The following PCSK6 variants were observed in gnomAD, a reference collection of about 807,000 sequenced individuals.
PCSK6 encodes proprotein convertase subtilisin/kexin type 6, also known as paired basic amino acid cleaving enzyme 4.
Under a neutral mutation model 123.3 loss-of-function variants are expected in PCSK6, and 85 were observed. The observed-to-expected ratio is 0.69, with a 90% CI of 0.58 to 0.83. The LOEUF is 0.83. Ranked by LOEUF, PCSK6 falls within the 40% of genes least tolerant of loss-of-function variation. The pLI is 0.00. For synonymous variants in PCSK6, 508 were observed against 516.0 expected, an observed-to-expected ratio of 0.98 and a Z score of 0.21; for missense variants, 1,191 against 1,282.3, an observed-to-expected ratio of 0.93 and a Z score of 1.09.
chr15:101,430,438 G>A (rs182954821), intron 4 of PCSK6, among the ~76,000 whole-genome samples: 8 of 152,196 alleles, frequency 5.3e-5, no homozygotes, highest in Non-Finnish European at 7.3e-5. Flanking sequence ...CGAGTCACTC[G>A]TGTAAGTGGA....
At chr15:101,481,809 G>C (rs2057893445) in intron 1 of PCSK6, among the ~76,000 whole-genome samples, 1 of 152,224 alleles carries the variant, frequency 6.6e-6, no homozygotes, top group African/African-American at 2.4e-5. Context: ...TGTGCAGCTT[G>C]AGTGACTGAA....
At chr15:101,464,493 G>C (rs1364673029) in intron 1 of PCSK6, among the ~76,000 whole-genome samples, 1 of 152,156 alleles carries the variant, frequency 6.6e-6, no homozygotes, top group Non-Finnish European at 1.5e-5. Context: ...TCAGTATGCT[G>C]GACCTCCGGG....
At chr15:101,487,924 T>C (rs2058056839) in intron 1 of PCSK6, among the ~76,000 whole-genome samples, 1 of 152,186 alleles carries the variant, frequency 6.6e-6, no homozygotes, top group South Asian at 2.1e-4. Context: ...TATGTATGTG[T>C]GTATATGTGT....
intron 11 of PCSK6, among the ~76,000 whole-genome samples, chr15:101,372,712 A>C (rs1038447874): frequency 6.6e-6 from 1 of 152,174 alleles, no homozygotes; most frequent in African/African-American, 2.4e-5. Flanking sequence ...ATGCCGGCAG[A>C]CTTACTCAGT....
intron 1 of PCSK6, among the ~76,000 whole-genome samples, chr15:101,477,888 T>C (rs72757675): frequency 9.8e-5 from 15 of 152,346 alleles, no homozygotes; most frequent in East Asian, 1.9e-4. Context: ...ATCAAGAATG[T>C]TGCCTTCATT....
intron 13 of PCSK6, among the ~76,000 whole-genome samples, chr15:101,344,717 A>T (rs60114472): frequency 0.17 from 26,020 of 152,020 alleles, 2,483 homozygotes; most frequent in African/African-American, 0.25. Flanking sequence ...ACTGGCATGA[A>T]CTTGGCTCAT....
At chr15:101,474,185 G>A (rs1417353825) in intron 1 of PCSK6, among the ~76,000 whole-genome samples, 2 of 152,148 alleles carry the variant, frequency 1.3e-5, no homozygotes, top group Non-Finnish European at 2.9e-5. Flanking sequence ...GTTTAAGTTG[G>A]AAAAAAACAG....
intron 2 of PCSK6, among the ~76,000 whole-genome samples, chr15:101,434,579 C>A (rs934859951): frequency 5.3e-5 from 8 of 152,226 alleles, no homozygotes; most frequent in Non-Finnish European, 1.0e-4. Flanking sequence ...ACTGTGATAG[C>A]CTGCGGCCCG....
intron 19 of PCSK6, chr15:101,313,715 C>T (rs1273575685): frequency 4.9e-6 from 3 of 606,366 alleles, no homozygotes; most frequent in Non-Finnish European, 8.3e-6. Flanking sequence ...CAGACGGGGA[C>T]ATCGAGGCAT....
intron 1 of PCSK6, 23 bp downstream of exon 1, chr15:101,489,351 C>G: frequency 8.8e-7 from 1 of 1,135,310 alleles, no homozygotes; most frequent in Non-Finnish European, 1.1e-6. Flanking sequence ...AAGTTTTGGG[C>G]GCGCGGGGCC....
In PCSK6 at chr15:101,393,342, T is replaced by C. The variant is rs1283130096; in HGVS notation, c.1079A>G (p.Tyr360Cys). 1 of 1,609,388 alleles carries C rather than the reference T, an allele frequency of 6.2e-7. No individual in the cohort carries two copies. Among genetic ancestry groups the C allele is most frequent in the Admixed American group, 1.7e-5 (1 of 59,380 alleles). ...GGAGATGGTGTAGATGCTGTTGGTG[T>C]AGCCATCGCACGAGCAGTAGTCCCC... The part of the protein sequence containing the change: ...REGDYCSCDG[Y>C]TNSIYTISVS... Residue 360 changes from tyrosine to cysteine, a missense_variant, in exon 8 of 22, where the codon TAC becomes TGC. Around this residue, in one of 3 missense-constraint regions of PCSK6, gnomAD observed 357 missense variants for 484.5 expected, o/e 0.74. Coordinates refer to ENST00000611716, the MANE Select transcript of PCSK6 (RefSeq NM_002570.5).
chr15:101,431,612 T>C, intron 3 of PCSK6, 149 bp from the exon 4 acceptor site: 2 of 928,462 alleles, frequency 2.2e-6, no homozygotes, highest in Admixed American at 2.0e-5. Context: ...AGAGCTCCTC[T>C]TTCCCACTCG....
intron 1 of PCSK6, among the ~76,000 whole-genome samples, chr15:101,455,151 GCAAA>G (rs34872628): frequency 0.31 from 46,333 of 151,614 alleles, 8,146 homozygotes; most frequent in Non-Finnish European, 0.41. Context: ...TTTGACCACA[GCAAA>G]CAAACAAACA....
intron 6 of PCSK6, among the ~76,000 whole-genome samples, chr15:101,406,033 G>A (rs902385855): frequency 2.0e-5 from 3 of 152,136 alleles, no homozygotes; most frequent in Non-Finnish European, 2.9e-5. Flanking sequence ...ATGAACCACC[G>A]TACCCGGCCG....
intron 13 of PCSK6, among the ~76,000 whole-genome samples, chr15:101,339,495 A>G (rs2040552522): frequency 6.6e-6 from 1 of 152,224 alleles, no homozygotes; most frequent in South Asian, 2.1e-4. Context: ...CCATCCATTT[A>G]TAAAAATATA....
chr15:101,385,285 T>C (rs2141519707), intron 9 of PCSK6, among the ~76,000 whole-genome samples: 1 of 152,376 alleles, frequency 6.6e-6, no homozygotes, highest in South Asian at 2.1e-4. Context: ...CCCAAAGTGT[T>C]AGGATTACAG....
intron 1 of PCSK6, among the ~76,000 whole-genome samples, chr15:101,457,197 A>C (rs1239690017): frequency 6.6e-6 from 1 of 152,026 alleles, no homozygotes; most frequent in African/African-American, 2.4e-5. Context: ...AATAAAAATA[A>C]ATAAATAAAT....
intron 3 of PCSK6, 111 bp from the exon 4 acceptor site, chr15:101,431,574 G>A: frequency 2.3e-6 from 3 of 1,297,602 alleles, no homozygotes; most frequent in South Asian, 1.3e-5. Flanking sequence ...TAAAAAAGGA[G>A]GGAACACCTA....
chr15:101,472,455 T>A (rs2057630439), intron 1 of PCSK6, among the ~76,000 whole-genome samples: 1 of 152,206 alleles, frequency 6.6e-6, no homozygotes, highest in South Asian at 2.1e-4. Context: ...AGCTCGAGAC[T>A]TGCAATCTAA....
Sources: gnomAD v4.1 joint callset for allele counts (sites outside exome capture counted in the v4.1 genomes callset) on GRCh38, gnomAD v4.1.1 for gene constraint, gnomAD v4.1.1 regional missense constraint, MANE v1.5 for transcripts, NCBI Gene and HGNC (gene_info 2026-07-23, HGNC 2026-07-21) for gene names.